B3GALT1: variants seen among roughly 807,000 people sequenced by gnomAD.
B3GALT1 encodes the protein UDP-Gal:betaGlcNAc beta 1,3-galactosyltransferase, polypeptide 1.
B3GALT1 carries 10 observed loss-of-function variants against 23.2 expected under a neutral mutation model. That is an observed-to-expected ratio of 0.43 (90% confidence interval 0.27 to 0.73). B3GALT1 has a LOEUF of 0.73. Among genes scored for constraint, B3GALT1 ranks in the 30% least tolerant of loss-of-function variants. B3GALT1 has a pLI of 0.21. For missense variants in B3GALT1, 299 were observed against 405.4 expected (o/e 0.74, Z 2.25); for synonymous variants, 156 against 141.5 (o/e 1.10, Z -0.73).
intron 3 of B3GALT1, among the ~76,000 whole-genome samples, chr2:167,761,153 G>C (rs1040473555): frequency 2.0e-5 from 3 of 152,172 alleles, no homozygotes; most frequent in Non-Finnish European, 4.4e-5. Context: ...TGATAGTTTA[G>C]CCTGTTATCA....
chr2:167,825,927 C>A (rs1689213205), intron 4 of B3GALT1, among the ~76,000 whole-genome samples: 1 of 152,162 alleles, frequency 6.6e-6, no homozygotes, highest in Non-Finnish European at 1.5e-5. Flanking sequence ...AGATCTTAGA[C>A]CATGACAAAT....
intron 1 of B3GALT1, among the ~76,000 whole-genome samples, chr2:167,363,385 G>A (rs1697529360): frequency 6.6e-6 from 1 of 151,874 alleles, no homozygotes. Context: ...CATTGTGTTA[G>A]AAGCTGGCTT....
At chr2:167,599,541 T>A (rs922548719) in intron 2 of B3GALT1, among the ~76,000 whole-genome samples, 1 of 152,232 alleles carries the variant, frequency 6.6e-6, no homozygotes, top group African/African-American at 2.4e-5. Context: ...TTTTTCATGA[T>A]GCATGTGTTG....
At chr2:167,714,620 G>A in intron 3 of B3GALT1, 1 of 1,613,776 alleles carries the variant, frequency 6.2e-7, no homozygotes, top group Non-Finnish European at 8.5e-7. Flanking sequence ...TTTGTTGTGA[G>A]CATTTTCTTT....
chr2:167,305,986 T>C (rs1696546165), intron 1 of B3GALT1, among the ~76,000 whole-genome samples: 1 of 152,088 alleles, frequency 6.6e-6, no homozygotes, highest in Non-Finnish European at 1.5e-5. Flanking sequence ...TTTGGTGCAA[T>C]TGAAATCGGT....
intron 3 of B3GALT1, among the ~76,000 whole-genome samples, chr2:167,789,516 G>A (rs1688398671): frequency 6.6e-6 from 1 of 152,210 alleles, no homozygotes; most frequent in South Asian, 2.1e-4. Context: ...AAATTCTAGA[G>A]AACGGTGGAT....
intron 2 of B3GALT1, among the ~76,000 whole-genome samples, chr2:167,539,896 A>G (rs1683507221): frequency 6.6e-6 from 1 of 152,122 alleles, no homozygotes; most frequent in African/African-American, 2.4e-5. Context: ...AACCTTGGCT[A>G]ATAATCAAAT....
At chr2:167,464,969 G>A (rs1699322289) in intron 1 of B3GALT1, among the ~76,000 whole-genome samples, 1 of 152,124 alleles carries the variant, frequency 6.6e-6, no homozygotes, top group Admixed American at 6.6e-5. Context: ...GAAAGGGAAG[G>A]TCTTTTAATA....
intron 1 of B3GALT1, among the ~76,000 whole-genome samples, chr2:167,395,941 C>T (rs10187788): frequency 6.6e-6 from 1 of 152,050 alleles, no homozygotes; most frequent in Non-Finnish European, 1.5e-5. Context: ...ATCCAAAAAA[C>T]TACACCAATA....
At chr2:167,598,530 C>CA (rs1239067582) in intron 2 of B3GALT1, among the ~76,000 whole-genome samples, 1 of 151,882 alleles carries the variant, frequency 6.6e-6, no homozygotes, top group Non-Finnish European at 1.5e-5. Context: ...AAAATTATCC[C>CA]AGAAAAACCT....
intron 2 of B3GALT1, among the ~76,000 whole-genome samples, chr2:167,562,401 C>T (rs1365885028): frequency 6.6e-6 from 1 of 152,150 alleles, no homozygotes; most frequent in Non-Finnish European, 1.5e-5. Context: ...TGGCACAAGA[C>T]AGGGTTGCCC....
At chr2:167,408,122 C>G (rs1698335139) in intron 1 of B3GALT1, among the ~76,000 whole-genome samples, 1 of 150,732 alleles carries the variant, frequency 6.6e-6, no homozygotes, top group Non-Finnish European at 1.5e-5. Flanking sequence ...GACACAAAAT[C>G]TTCAACAAAA....
intron 2 of B3GALT1, among the ~76,000 whole-genome samples, chr2:167,622,504 A>G (rs1183684166): frequency 6.6e-6 from 1 of 152,100 alleles, no homozygotes; most frequent in East Asian, 1.9e-4. Flanking sequence ...ACCAACCTAC[A>G]GAGGAAATTG....
intron 2 of B3GALT1, among the ~76,000 whole-genome samples, chr2:167,642,675 G>A (rs1038758961): frequency 1.2e-4 from 19 of 152,196 alleles, no homozygotes; most frequent in Admixed American, 9.2e-4. Flanking sequence ...GAGGAGCAAG[G>A]CTAAATATAG....
intron 1 of B3GALT1, among the ~76,000 whole-genome samples, chr2:167,369,540 A>G (rs1697646914): frequency 6.6e-6 from 1 of 152,184 alleles, no homozygotes. Flanking sequence ...TTTTACATCA[A>G]CTCACTACCA....
chr2:167,772,460 A>G (rs1158480876), intron 3 of B3GALT1, among the ~76,000 whole-genome samples: 3 of 152,214 alleles, frequency 2.0e-5, no homozygotes, highest in Non-Finnish European at 4.4e-5. Flanking sequence ...TGCACTACTG[A>G]AAATGACTAA....
intron 2 of B3GALT1, among the ~76,000 whole-genome samples, chr2:167,503,646 C>G (rs1699878388): frequency 2.0e-5 from 3 of 152,150 alleles, no homozygotes. Flanking sequence ...TTTCCCTCAA[C>G]TAAAATGCCC....
intron 3 of B3GALT1, among the ~76,000 whole-genome samples, chr2:167,711,963 G>A (rs540741712): frequency 2.0e-5 from 3 of 152,152 alleles, no homozygotes; most frequent in South Asian, 2.1e-4. Context: ...GCGCAACTTC[G>A]TCTCAAAAAT....
At chr2:167,750,899 C>T (rs1256055523) in intron 3 of B3GALT1, among the ~76,000 whole-genome samples, 1 of 152,012 alleles carries the variant, frequency 6.6e-6, no homozygotes. Context: ...TATTTAGGAT[C>T]CAAGCAGTGA....
Sources: allele counts gnomAD v4.1 joint callset (sites outside exome capture counted in the v4.1 genomes callset), GRCh38; gene constraint gnomAD v4.1.1; transcripts MANE v1.5; gene names NCBI Gene and HGNC (gene_info 2026-07-23, HGNC 2026-07-21).